The following PRKDC variants were observed in gnomAD, a reference collection of about 807,000 sequenced individuals.
The protein encoded by PRKDC is protein kinase, DNA-activated, catalytic subunit, also known as DNA-dependent protein kinase catalytic subunit.
Under a neutral mutation model 486.9 loss-of-function variants are expected in PRKDC, and 82 were observed. The observed-to-expected ratio is 0.17, with a 90% CI of 0.14 to 0.20. The LOEUF (loss-of-function observed/expected upper bound fraction) is 0.20, where lower values mean the gene tolerates loss of function less well. Ranked by LOEUF, PRKDC falls within the 10% of genes least tolerant of loss-of-function variation. The pLI is 1.00. For missense variants in PRKDC, 4,504 were observed against 5,038.2 expected (o/e 0.89, Z 3.21); for synonymous variants, 1,895 against 1,837.0 (o/e 1.03, Z -0.81).
In PRKDC at chr8:47,929,868, T is replaced by G; in HGVS notation, c.2037A>C (p.Lys679Asn). The change falls in exon 18 of 86, where the codon AAA (lysine) becomes AAC (asparagine). Residue 679 changes from lysine (K) to asparagine (N), a missense_variant. Transcript: ENST00000314191. ...AAAGACTCACCTCGAAATATTTTAT[T>G]TTCTTGGCATTTCTTACTGTAATAG... ...LLSITVRNAK[K>N]IKYFEGVSPK... The G allele has an allele frequency of 6.3e-7, 1 of 1,595,736 alleles. No individual in the cohort carries two copies. Among genetic ancestry groups the G allele is most frequent in the Non-Finnish European group, 8.5e-7 (1 of 1,175,752 alleles).
chr8:47,955,767 T>A (rs986981572), intron 4 of PRKDC, 107 bp downstream of exon 4: 10 of 838,668 alleles, frequency 1.2e-5, no homozygotes, highest in African/African-American at 1.7e-5. Context: ...TGTGATTAGA[T>A]CCTATCCTTC....
chr8:47,903,756 G>T (rs904892786), intron 26 of PRKDC, among the ~76,000 whole-genome samples: 3 of 152,098 alleles, frequency 2.0e-5, no homozygotes, highest in African/African-American at 4.8e-5. Context: ...TCAAAAGGGA[G>T]AAAAGAAACA....
At chr8:47,933,928 G>C in intron 15 of PRKDC, 37 bp downstream of exon 15, 1 of 1,579,200 alleles carries the variant, frequency 6.3e-7, no homozygotes, top group Non-Finnish European at 8.6e-7. Flanking sequence ...AATAAAGGAA[G>C]TAAGGTACAT....
chr8:47,930,927 C>T, intron 16 of PRKDC, 140 bp from the exon 17 acceptor site: 2 of 762,494 alleles, frequency 2.6e-6, no homozygotes, highest in Non-Finnish European at 4.2e-6. Context: ...AAGATGGGTG[C>T]TCAAGACCTA....
chr8:47,842,689 C>T (rs770410229), intron 54 of PRKDC, among the ~76,000 whole-genome samples: 3 of 152,196 alleles, frequency 2.0e-5, no homozygotes, highest in Non-Finnish European at 1.5e-5. Context: ...TATCTTCTCA[C>T]CTCCAAACAA....
rs150090655 is a variant in PRKDC at position 47,868,661 on chromosome 8, C to T, written c.5364-3898G>A. Among the ~76,000 whole-genome samples the T allele has an allele frequency of 4.9e-3, 739 of 152,216 alleles. 6 individuals are homozygous for T. Among genetic ancestry groups the T allele is most frequent in the African/African-American group, 0.015 (628 of 41,530 alleles). On this transcript the variant is annotated intron_variant, in intron 40 of 85. Coordinates refer to ENST00000314191, the MANE Select transcript of PRKDC (RefSeq NM_006904.7). ...TCCAGTGATTGTCTCCCCCGCAGAA[C>T]GCCAAAATGAACAACTATCTGTATA... is the stretch of plus-strand genomic sequence containing the variant.
intron 30 of PRKDC, among the ~76,000 whole-genome samples, chr8:47,896,642 G>A (rs556199282): frequency 3.2e-4 from 43 of 136,224 alleles, no homozygotes; most frequent in African/African-American, 1.1e-3. Flanking sequence ...GCGAGACTCC[G>A]TCTCAAAAAA....
rs1291427535 is a variant in PRKDC, at chr8:47,840,488, CTT to C, written c.7281-301_7281-300del. ...GTAATGTTCTAATGTTAATTTCTTA[CTT>C]TTGACAAATGTACCAAGATTATGTA... On this transcript the variant is annotated intron_variant, in intron 54 of 85. Transcript: ENST00000314191. Among the ~76,000 whole-genome samples the C allele has an allele frequency of 1.4e-4, 22 of 152,254 alleles. 1 individual carries two copies. The highest frequency in any genetic ancestry group is 4.8e-4 in the African/African-American group (20 of 41,542).
At chr8:47,817,370 TA>T in intron 68 of PRKDC, 79 bp downstream of exon 68, 2 of 1,049,166 alleles carry the variant, frequency 1.9e-6, no homozygotes, top group Non-Finnish European at 2.8e-6. Context: ...CACATTTCTC[TA>T]AACCATGGTT....
Position 47,807,009 on chromosome 8 carries a change from A to G in PRKDC, c.9747+128T>C, listed in dbSNP as rs143240429. The G allele has an allele frequency of 8.1e-6, 8 of 982,656 alleles. No homozygotes were observed. In the African/African-American group the frequency reaches 1.2e-4, roughly 14 times the overall value. 60.9% of individuals were successfully genotyped at this position (982,656 alleles called of 1,614,324 possible). On this transcript the variant is annotated intron_variant, in intron 69 of 85. Coordinates refer to ENST00000314191, the MANE Select transcript of PRKDC (RefSeq NM_006904.7). Reference sequence around the variant, plus strand: ...CTGCACCCGGCCAAGTTTACTTATAAAGAGAGAAAAAAAATAACACCTACC... The same window carrying G: ...CTGCACCCGGCCAAGTTTACTTATAGAGAGAGAAAAAAAATAACACCTACC...
Position 47,800,939 on chromosome 8 carries a change from G to T in PRKDC, c.9970C>A (p.Arg3324Ser), listed in dbSNP as rs749555019. 1.2e-6 allele frequency: 2 copies of T among 1,613,720 alleles called. No homozygotes were observed. Among genetic ancestry groups the T allele is most frequent in the African/African-American group, 2.7e-5 (2 of 74,896 alleles). The change falls in exon 71 of 86, where the codon CGT becomes AGT. Residue 3324 changes from arginine to serine, a missense_variant. This residue lies in a region of PRKDC where 1,592 missense variants were observed against 1,724.6 expected (regional missense o/e 0.92). Coordinates refer to ENST00000314191, the MANE Select transcript of PRKDC (RefSeq NM_006904.7). ...SYLSKNILAF[R>S]DQNILLGTTY... ...GTACCCAAGAGAATGTTCTGGTCAC[G>T]GAAAGCCAGAATATTTTTGCTTAAG...
chr8:47,838,875 T>C lies in PRKDC; in HGVS notation c.7553+273A>G, dbSNP rs866932678. ...AGAATTGTCATTACAGACTTTCTTT[T>C]CATTTTGAAACACTTTAACTCACTG... On this transcript the variant is annotated intron_variant, in intron 56 of 85. Transcript: ENST00000314191. 3.3e-5 allele frequency among the ~76,000 whole-genome samples: 5 copies of C among 152,250 alleles called. No individual in the cohort carries two copies. The South Asian group carries it at 1.0e-3, about 31-fold the overall frequency.
intron 68 of PRKDC, among the ~76,000 whole-genome samples, chr8:47,810,172 G>A (rs2087298652): frequency 1.3e-5 from 2 of 151,730 alleles, no homozygotes; most frequent in South Asian, 4.2e-4. Flanking sequence ...ACCAGCTACA[G>A]AATTATAAGC....
intron 36 of PRKDC, among the ~76,000 whole-genome samples, chr8:47,883,075 G>C (rs191830779): frequency 1.3e-5 from 2 of 152,336 alleles, no homozygotes; most frequent in Non-Finnish European, 2.9e-5. Context: ...CTCACTGCCT[G>C]ATCACTCTCT....
chr8:47,890,219 G>A (rs2089431081), intron 32 of PRKDC, 38 bp downstream of exon 32: 1 of 1,459,936 alleles, frequency 6.8e-7, no homozygotes, highest in Non-Finnish European at 9.2e-7. Context: ...TAGTTTTCCA[G>A]TACCAAAAAC....
In PRKDC at chr8:47,800,918, C is replaced by T; in HGVS notation, c.9991G>A (p.Gly3331Ser). The T allele has an allele frequency of 6.2e-7, 1 of 1,613,812 alleles. No homozygotes were observed. Among genetic ancestry groups the T allele is most frequent in the Non-Finnish European group, 8.5e-7 (1 of 1,179,826 alleles). The part of the protein sequence containing the change: ...LAFRDQNILL[G>S]TTYRIIANAL... ...TTCGCTATGATCCTGTAAGTTGTAC[C>T]CAAGAGAATGTTCTGGTCACGGAAA... is the stretch of plus-strand genomic sequence containing the variant. Residue 3331 changes from glycine (G) to serine (S), a missense_variant, in exon 71 of 86, where the codon GGT becomes AGT. By Grantham distance (56) the Gly-to-Ser change is moderately conservative. Coordinates refer to ENST00000314191, the MANE Select transcript of PRKDC (RefSeq NM_006904.7).
chr8:47,883,944 A>G (rs979851441), intron 36 of PRKDC, among the ~76,000 whole-genome samples: 1 of 152,310 alleles, frequency 6.6e-6, no homozygotes, highest in Non-Finnish European at 1.5e-5. Context: ...GGGGAGGATC[A>G]CTGTCACTGA....
Position 47,800,945 on chromosome 8 carries a change from C to T in PRKDC, c.9964G>A (p.Ala3322Thr), listed in dbSNP as rs1238071417. 1 of 1,613,712 alleles carries T rather than the reference C, an allele frequency of 6.2e-7. No homozygotes were observed. Among genetic ancestry groups the T allele is most frequent in the African/African-American group, 1.3e-5 (1 of 74,870 alleles). Residue 3322 changes from alanine (A) to threonine (T), a missense_variant, in exon 71 of 86, where the codon GCT becomes ACT. Physicochemically the swap from Ala to Thr is moderately conservative, Grantham distance 58 (BLOSUM62 0). Transcript: ENST00000314191. ...VSSYLSKNIL[A>T]FRDQNILLGT... ...AAGAGAATGTTCTGGTCACGGAAAG[C>T]CAGAATATTTTTGCTTAAGTAGCTT...
rs1184126853 is a variant in PRKDC at position 47,887,690 on chromosome 8, G to A, written c.4429C>T (p.His1477Tyr). The A allele has an allele frequency of 1.2e-6, 2 of 1,608,246 alleles. No individual in the cohort carries two copies. The highest frequency in any genetic ancestry group is 2.7e-5 in the African/African-American group (2 of 74,802). Residue 1477 changes from histidine to tyrosine, a missense_variant, in exon 35 of 86, where the codon CAT becomes TAT. By Grantham distance (83) the His-to-Tyr change is moderately conservative (BLOSUM62 2). This residue lies in a region of PRKDC where 1,969 missense variants were observed against 2,068.9 expected (regional missense o/e 0.95). Coordinates refer to ENST00000314191, the MANE Select transcript of PRKDC (RefSeq NM_006904.7). ...ILPSQSTDLHHSVGTELLSLV... is the reference protein window; with the variant it reads ...ILPSQSTDLHYSVGTELLSLV... The stretch of plus-strand genomic sequence containing the variant: ...GAAAGAAGTTCTGTGCCAACAGAAT[G>A]ATGCAAATCTGTGGACTAAAAGGAA...
Sources: gnomAD v4.1 joint callset for allele counts (sites outside exome capture counted in the v4.1 genomes callset) on GRCh38, gnomAD v4.1.1 for gene constraint, gnomAD v4.1.1 regional missense constraint, MANE v1.5 for transcripts, NCBI Gene and HGNC (gene_info 2026-07-23, HGNC 2026-07-21) for gene names.